The following COL8A1 variants were observed in gnomAD, a reference collection of about 807,000 sequenced individuals.
COL8A1 encodes collagen alpha-1(VIII) chain.
COL8A1 carries 21 observed loss-of-function variants against 42.7 expected under a neutral mutation model. The ratio of observed to expected loss-of-function variants is 0.49; its 90% CI spans 0.35 to 0.71. The LOEUF (loss-of-function observed/expected upper bound fraction) is 0.71, where lower values mean the gene tolerates loss of function less well. Ranked by LOEUF, COL8A1 falls within the 30% of genes least tolerant of loss-of-function variation. The pLI, the probability that COL8A1 is intolerant of heterozygous loss-of-function variation, is 0.01. For synonymous variants in COL8A1, 367 were observed against 369.1 expected, an observed-to-expected ratio of 0.99 and a Z score of 0.06; for missense variants, 788 against 962.4, an observed-to-expected ratio of 0.82 and a Z score of 2.40.
At chr3:99,749,570 A>G in intron 2 of COL8A1, among the ~76,000 whole-genome samples, 1 of 152,194 alleles carries the variant, frequency 6.6e-6, no homozygotes, top group East Asian at 1.9e-4. Flanking sequence ...TGAAAAATGC[A>G]TACTTATGAC....
intron 1 of COL8A1, among the ~76,000 whole-genome samples, chr3:99,654,899 A>G (rs1937967007): frequency 6.6e-6 from 1 of 152,106 alleles, no homozygotes; most frequent in African/African-American, 2.4e-5. Context: ...TTTAAGACTT[A>G]TCTTCTCAAG....
intron 2 of COL8A1, among the ~76,000 whole-genome samples, chr3:99,789,397 C>A (rs911721468): frequency 2.6e-5 from 4 of 152,084 alleles, no homozygotes; most frequent in African/African-American, 9.7e-5. Context: ...TCTCTCTCTC[C>A]AGCATTATGA....
intron 1 of COL8A1, among the ~76,000 whole-genome samples, chr3:99,653,248 T>C (rs1166667044): frequency 2.0e-5 from 3 of 152,198 alleles, no homozygotes; most frequent in Admixed American, 6.5e-5. Context: ...GTGTTGCAAA[T>C]AAGGGCACTA....
intron 1 of COL8A1, among the ~76,000 whole-genome samples, chr3:99,663,355 T>C (rs1217249010): frequency 6.6e-6 from 1 of 152,022 alleles, no homozygotes; most frequent in Admixed American, 6.6e-5. Flanking sequence ...ACTAACCCGG[T>C]GCCAGAACAG....
intron 1 of COL8A1, among the ~76,000 whole-genome samples, chr3:99,722,593 T>G (rs951060836): frequency 6.6e-6 from 1 of 152,132 alleles, no homozygotes; most frequent in African/African-American, 2.4e-5. Flanking sequence ...ATAGCTGCTC[T>G]TTTTGGCCAA....
Position 99,758,823 on chromosome 3 carries a change from C to T in COL8A1, c.-4+13802C>T, listed in dbSNP as rs949274055. Among the ~76,000 whole-genome samples, 4 of 152,270 alleles carry T rather than the reference C, an allele frequency of 2.6e-5. No individual in the cohort carries two copies. The East Asian group carries it at 7.7e-4, about 29-fold the overall frequency. ...TAATTCCCTGCACCTACCACTGAGA[C>T]TGGAACCTGGTAGACACTCAATGAA... On this transcript the variant is annotated intron_variant, in intron 2 of 3. Coordinates refer to ENST00000652472, the MANE Select transcript of COL8A1 (RefSeq NM_020351.4).
intron 1 of COL8A1, among the ~76,000 whole-genome samples, chr3:99,665,217 T>C (rs1365372651): frequency 6.6e-6 from 1 of 152,246 alleles, no homozygotes. Context: ...TGCCTGCCTC[T>C]CTACTCCCAG....
chr3:99,748,987 A>C (rs1559626346), intron 2 of COL8A1, among the ~76,000 whole-genome samples: 1 of 152,176 alleles, frequency 6.6e-6, no homozygotes, highest in Non-Finnish European at 1.5e-5. Flanking sequence ...TTAAACTGTT[A>C]GGCTGATATA....
chr3:99,726,786 C>A (rs1940343147), intron 1 of COL8A1, among the ~76,000 whole-genome samples: 1 of 151,956 alleles, frequency 6.6e-6, no homozygotes, highest in Non-Finnish European at 1.5e-5. Flanking sequence ...TGTTTTGGTA[C>A]CAGTACCATG....
chr3:99,671,743 T>C (rs1271794944), intron 1 of COL8A1, among the ~76,000 whole-genome samples: 1 of 151,990 alleles, frequency 6.6e-6, no homozygotes, highest in Non-Finnish European at 1.5e-5. Context: ...GTACAACCAT[T>C]ATGGGAAACA....
At chr3:99,705,389 G>A (rs558361157) in intron 1 of COL8A1, among the ~76,000 whole-genome samples, 4 of 152,102 alleles carry the variant, frequency 2.6e-5, no homozygotes, top group African/African-American at 7.2e-5. Flanking sequence ...TTGGGAACTC[G>A]TCCCAGTGGC....
chr3:99,673,763 G>A (rs1938613324), intron 1 of COL8A1, among the ~76,000 whole-genome samples: 1 of 151,934 alleles, frequency 6.6e-6, no homozygotes, highest in Admixed American at 6.6e-5. Flanking sequence ...TCCCAGTTCT[G>A]GAGTCAGACT....
intron 2 of COL8A1, among the ~76,000 whole-genome samples, chr3:99,745,824 C>T (rs1322934712): frequency 7.3e-6 from 1 of 137,142 alleles, no homozygotes; most frequent in East Asian, 2.1e-4. Context: ...AACTTTCAAA[C>T]CTTGATGGAA....
At position 99,796,592 on chromosome 3, in the gene COL8A1, T is replaced by C. The variant is rs1351109423; in HGVS notation, c.*456T>C. The C allele has an allele frequency of 6.5e-6, 1 of 153,270 alleles. No individual in the cohort carries two copies. Among genetic ancestry groups the C allele is most frequent in the Non-Finnish European group, 1.5e-5 (1 of 68,798 alleles). 9.5% of individuals were successfully genotyped at this position (153,270 alleles called of 1,614,324 possible). A position where few individuals can be genotyped will look rare whatever the true frequency, so the allele number is the denominator to read the frequency against. ...TTTACTTGCTTAATTTCCTCTGTAT[T>C]TGTGTAGATACTTTGACATGGAATA... On this transcript the variant is annotated 3_prime_UTR_variant, in exon 4 of 4. Transcript: ENST00000652472.
chr3:99,794,963 C>A lies in COL8A1; in HGVS notation c.1062C>A (p.Gly354=). Residue 354 remains glycine (G), a synonymous_variant, in exon 4 of 4, where the codon GGC becomes GGA. Coordinates refer to ENST00000652472, the MANE Select transcript of COL8A1 (RefSeq NM_020351.4). This position sits in a 1 kb window ranked among gnomAD's most constrained non-coding sequence, Gnocchi z 4.3. ...GCCTTCCAGGGATTGGGAAACCAGG[C>A]TTCCCAGGACCCAAAGGTGACCGGG... ...PPGLPGIGKP[G]FPGPKGDRGM... The A allele has an allele frequency of 1.3e-6, 2 of 1,596,478 alleles. No individual in the cohort carries two copies. The highest frequency in any genetic ancestry group is 1.1e-5 in the South Asian group (1 of 89,064).
chr3:99,643,166 A>G (rs886515850), intron 1 of COL8A1, among the ~76,000 whole-genome samples: 1 of 152,208 alleles, frequency 6.6e-6, no homozygotes, highest in African/African-American at 2.4e-5. Flanking sequence ...CTTAATCTTG[A>G]ATAACTGCAG....
intron 2 of COL8A1, among the ~76,000 whole-genome samples, chr3:99,780,054 A>G (rs1287391592): frequency 1.3e-5 from 2 of 152,192 alleles, no homozygotes; most frequent in African/African-American, 2.4e-5. Flanking sequence ...GATCCCATCT[A>G]TTATTACCAC....
At chr3:99,661,633 A>G (rs2107301836) in intron 1 of COL8A1, among the ~76,000 whole-genome samples, 1 of 152,320 alleles carries the variant, frequency 6.6e-6, no homozygotes, top group East Asian at 1.9e-4. Flanking sequence ...TGCTCCAAAG[A>G]ACTGAAAGCG....
At chr3:99,783,818 C>T (rs913882721) in intron 2 of COL8A1, among the ~76,000 whole-genome samples, 3 of 152,202 alleles carry the variant, frequency 2.0e-5, no homozygotes, top group African/African-American at 7.2e-5. Context: ...ATGAGAATAG[C>T]ACAGGGTAAT....
Sources: gnomAD v4.1 joint callset for allele counts (sites outside exome capture counted in the v4.1 genomes callset) on GRCh38, gnomAD v4.1.1 for gene constraint, Gnocchi (gnomAD v3.1) non-coding constraint, MANE v1.5 for transcripts, NCBI Gene and HGNC (gene_info 2026-07-23, HGNC 2026-07-21) for gene names.